HDAC9: variants seen among roughly 807,000 people sequenced by gnomAD.
HDAC9 encodes the protein MEF-2 interacting transcription repressor (MITR) protein.
HDAC9 carries 41 observed loss-of-function variants against 139.4 expected under a neutral mutation model. The ratio of observed to expected loss-of-function variants is 0.29; its 90% CI spans 0.23 to 0.38. The LOEUF (loss-of-function observed/expected upper bound fraction) is 0.38. Ranked by LOEUF, HDAC9 falls within the 10% of genes least tolerant of loss-of-function variation. The probability of loss-of-function intolerance (pLI) is 1.00; values close to 1 mark genes in which losing one functional copy is unlikely to be tolerated. For missense variants in HDAC9, 1,147 were observed against 1,297.0 expected, an observed-to-expected ratio of 0.88 and a Z score of 1.78; for synonymous variants, 517 against 476.2, an observed-to-expected ratio of 1.09 and a Z score of -1.12.
intron 6 of HDAC9, among the ~76,000 whole-genome samples, chr7:18,616,728 C>T (rs748874691): frequency 6.6e-6 from 1 of 152,048 alleles, no homozygotes; most frequent in Non-Finnish European, 1.5e-5. Flanking sequence ...TGAAACAGGA[C>T]AAGAGCAGGA....
chr7:18,560,540 G>T (rs1262587573), intron 2 of HDAC9, among the ~76,000 whole-genome samples: 1 of 152,114 alleles, frequency 6.6e-6, no homozygotes, highest in Non-Finnish European at 1.5e-5. Flanking sequence ...AAGTGTGCCT[G>T]TTGTGCCCCG....
chr7:18,989,564 G>C (rs1785684592), intron 25 of HDAC9, among the ~76,000 whole-genome samples: 1 of 150,242 alleles, frequency 6.7e-6, no homozygotes, highest in African/African-American at 2.5e-5. Flanking sequence ...GTATCTTTGT[G>C]GCGTTCTCTG....
At chr7:18,503,469 C>T (rs1297988045) in intron 2 of HDAC9, among the ~76,000 whole-genome samples, 1 of 152,174 alleles carries the variant, frequency 6.6e-6, no homozygotes, top group African/African-American at 2.4e-5. Context: ...TAGGTTTACT[C>T]TGAGTTGCTA....
chr7:18,356,870 T>A (rs2128682558), intron 1 of HDAC9, among the ~76,000 whole-genome samples: 1 of 152,304 alleles, frequency 6.6e-6, no homozygotes, highest in Non-Finnish European at 1.5e-5. Context: ...TTTTTAAAGT[T>A]GTAAGACATA....
At chr7:18,544,458 G>A (rs1814083625) in intron 2 of HDAC9, among the ~76,000 whole-genome samples, 1 of 152,190 alleles carries the variant, frequency 6.6e-6, no homozygotes, top group South Asian at 2.1e-4. Flanking sequence ...AGATGTTGAA[G>A]GGACAGTGTT....
intron 2 of HDAC9, among the ~76,000 whole-genome samples, chr7:18,548,338 A>T (rs1250106001): frequency 6.6e-6 from 1 of 152,206 alleles, no homozygotes; most frequent in Non-Finnish European, 1.5e-5. Context: ...ATGAAAAAAA[A>T]TTGAACTATT....
intron 6 of HDAC9, among the ~76,000 whole-genome samples, chr7:18,597,376 C>T (rs1009795328): frequency 2.6e-5 from 4 of 152,104 alleles, no homozygotes. Flanking sequence ...TTCTATAACA[C>T]AAGGATAGGT....
chr7:18,249,417 C>T (rs1042273872), intron 2 of HDAC9, among the ~76,000 whole-genome samples: 41 of 140,618 alleles, frequency 2.9e-4, no homozygotes, highest in African/African-American at 1.1e-3. Flanking sequence ...GTGTGAGAAT[C>T]GCTTGAGCCT....
Position 18,297,474 on chromosome 7 carries a change from C to T in HDAC9, c.-42+6959C>T, listed in dbSNP as rs936601151. On this transcript the variant is annotated intron_variant, in intron 1 of 3. Transcript: ENST00000413509. ...AGTTTGTTTTATTTTTCTGACTGCT[C>T]TCCTTGCCAATCCATCCTACAGGCA... 4.6e-5 allele frequency among the ~76,000 whole-genome samples: 7 copies of T among 152,120 alleles called. No homozygotes were observed. The South Asian group carries it at 1.0e-3, about 23-fold the overall frequency.
At chr7:18,922,293 T>A (rs1803826866) in intron 22 of HDAC9, among the ~76,000 whole-genome samples, 1 of 152,078 alleles carries the variant, frequency 6.6e-6, no homozygotes, top group Non-Finnish European at 1.5e-5. Flanking sequence ...TGCTAAATTA[T>A]CCTATTTTTA....
intron 2 of HDAC9, among the ~76,000 whole-genome samples, chr7:18,516,294 C>A (rs1769818463): frequency 6.6e-6 from 1 of 152,098 alleles, no homozygotes; most frequent in African/African-American, 2.4e-5. Flanking sequence ...AGGATTTCCT[C>A]TGGGTAAATA....
At chr7:18,209,312 T>C (rs971939714) in intron 2 of HDAC9, among the ~76,000 whole-genome samples, 3 of 152,218 alleles carry the variant, frequency 2.0e-5, no homozygotes, top group African/African-American at 7.2e-5. Context: ...CCATTTAATA[T>C]AGGACACTGC....
intron 17 of HDAC9, among the ~76,000 whole-genome samples, chr7:18,817,856 A>G (rs912953436): frequency 4.2e-4 from 64 of 152,342 alleles, no homozygotes; most frequent in African/African-American, 1.5e-3. Context: ...AATATATTTA[A>G]TAATTATAAT....
At chr7:18,940,292 C>T (rs541883393) in intron 23 of HDAC9, among the ~76,000 whole-genome samples, 3 of 152,080 alleles carry the variant, frequency 2.0e-5, no homozygotes, top group South Asian at 4.1e-4. Flanking sequence ...ATCTACTTAG[C>T]AAAACATCTC....
rs1786523955 is a variant in HDAC9, at chr7:18,997,307, A to AC, written c.*1245_*1246insC. 1 of 151,856 alleles carries AC rather than the reference A, an allele frequency of 6.6e-6. No individual in the cohort carries two copies. 9.4% of individuals were successfully genotyped at this position (151,856 alleles called of 1,614,324 possible). A position where few individuals can be genotyped will look rare whatever the true frequency, so the allele number is the denominator to read the frequency against. On this transcript the variant is annotated 3_prime_UTR_variant, in exon 26 of 26. Transcript: ENST00000686413. The stretch of plus-strand genomic sequence containing the variant: ...AAGCTGTGCCTTCTTGTGAAAAAAA[A>AC]AAAAAACAAAAACAAAAAACAGCCT...
At position 18,466,026 on chromosome 7, in the gene HDAC9, T is replaced by TG. The variant is rs546104682; in HGVS notation, c.-41-30234dup. Among the ~76,000 whole-genome samples, 10 of 152,306 alleles carry TG rather than the reference T, an allele frequency of 6.6e-5. No individual in the cohort carries two copies. The South Asian group carries it at 2.1e-3, about 32-fold the overall frequency. The stretch of plus-strand genomic sequence containing the variant: ...AAATCAAAGTATTAGTGGGGCACAT[T>TG]GGCTATGTTCTTTGCTGGAGGCTAT... On this transcript the variant is annotated intron_variant, in intron 1 of 3. Coordinates refer to the HDAC9 transcript ENST00000413509.
Position 18,998,692 on chromosome 7 carries a change from G to A in HDAC9, c.*2630G>A, listed in dbSNP as rs774513514. On this transcript the variant is annotated 3_prime_UTR_variant, in exon 26 of 26. Transcript: ENST00000686413. Reference sequence around the variant, plus strand: ...TTCACTTACCCGTTTAAATTTTATTGCTCGCAGTTGTTCTGAATGAGAGGC... The same window carrying A: ...TTCACTTACCCGTTTAAATTTTATTACTCGCAGTTGTTCTGAATGAGAGGC... 3.9e-5 allele frequency: 6 copies of A among 152,122 alleles called. No individual in the cohort carries two copies. Among genetic ancestry groups the A allele is most frequent in the Non-Finnish European group, 7.4e-5 (5 of 68,014 alleles). 9.4% of individuals were successfully genotyped at this position (152,122 alleles called of 1,614,324 possible). A position where few individuals can be genotyped will look rare whatever the true frequency, so the allele number is the denominator to read the frequency against.
intron 21 of HDAC9, among the ~76,000 whole-genome samples, chr7:18,869,146 GGGT>G (rs1798714874): frequency 1.5e-5 from 2 of 132,390 alleles, no homozygotes; most frequent in Admixed American, 1.6e-4. Flanking sequence ...CTCACAATTG[GGGT>G]GTGTGTGTGT....
chr7:18,563,453 C>G (rs1305983503), intron 2 of HDAC9, among the ~76,000 whole-genome samples: 6 of 151,992 alleles, frequency 3.9e-5, no homozygotes, highest in Non-Finnish European at 7.4e-5. Flanking sequence ...TTATTGTTAG[C>G]TTATTTTAGT....
Sources: gnomAD v4.1 joint callset for allele counts (sites outside exome capture counted in the v4.1 genomes callset) on GRCh38, gnomAD v4.1.1 for gene constraint, MANE v1.5 for transcripts, NCBI Gene and HGNC (gene_info 2026-07-23, HGNC 2026-07-21) for gene names.